Variants in ARHGAP21 observed in about 807,000 individuals in gnomAD.
ARHGAP21 encodes the protein Rho GTPase activating protein 21.
A neutral mutation model predicts 164.6 loss-of-function variants in ARHGAP21; 38 were observed. The ratio of observed to expected loss-of-function variants is 0.23; its 90% CI spans 0.18 to 0.30. The LOEUF is 0.30. Ranked by LOEUF, ARHGAP21 falls within the 10% of genes least tolerant of loss-of-function variation. ARHGAP21 has a pLI of 1.00. For missense variants in ARHGAP21, 1,822 were observed against 2,370.7 expected (o/e 0.77, Z 4.81); for synonymous variants, 766 against 857.9 (o/e 0.89, Z 1.87).
chr10:24,606,662 A>C (rs958350218), intron 11 of ARHGAP21, among the ~76,000 whole-genome samples: 1 of 151,870 alleles, frequency 6.6e-6, no homozygotes, highest in Non-Finnish European at 1.5e-5. Context: ...GACCAGCCTG[A>C]CCAACATGGT....
At chr10:24,646,999 TTTC>T (rs1350798334) in intron 4 of ARHGAP21, among the ~76,000 whole-genome samples, 2 of 152,186 alleles carry the variant, frequency 1.3e-5, no homozygotes, top group South Asian at 2.1e-4. Flanking sequence ...GCCATGCACT[TTTC>T]TTCTTTTTCA....
rs146099288 is a variant in ARHGAP21, at chr10:24,645,142, A to G, written c.269-10039T>C. On this transcript the variant is annotated intron_variant, in intron 4 of 25. Coordinates refer to ENST00000396432, the MANE Select transcript of ARHGAP21 (RefSeq NM_020824.4). ...CTCCATCCTAAAATCTTTCAACCAA[A>G]TCTGGGCAAATGTAACTTCTAAATG... Among the ~76,000 whole-genome samples, 216 of 152,248 alleles carry G rather than the reference A, an allele frequency of 1.4e-3. 1 individual carries two copies. Among genetic ancestry groups the G allele is most frequent in the South Asian group, 0.011 (54 of 4,826 alleles).
At chr10:24,622,667 G>T in intron 8 of ARHGAP21, 66 bp downstream of exon 8, 2 of 1,510,066 alleles carry the variant, frequency 1.3e-6, no homozygotes, top group African/African-American at 1.4e-5. Context: ...TAATAGATTG[G>T]CTTATTACAA....
At chr10:24,642,828 C>T (rs1026616910) in intron 4 of ARHGAP21, among the ~76,000 whole-genome samples, 4 of 152,144 alleles carry the variant, frequency 2.6e-5, no homozygotes, top group African/African-American at 9.7e-5. Flanking sequence ...TTCATATACG[C>T]ACGAGAATAT....
chr10:24,692,776 G>C (rs1842854148), intron 2 of ARHGAP21, among the ~76,000 whole-genome samples: 1 of 151,764 alleles, frequency 6.6e-6, no homozygotes. Context: ...AGGTTGCAGT[G>C]AGCAGAGATT....
At chr10:24,624,965 TG>T (rs1834951209) in intron 7 of ARHGAP21, among the ~76,000 whole-genome samples, 1 of 147,182 alleles carries the variant, frequency 6.8e-6, no homozygotes, top group Admixed American at 7.1e-5. Flanking sequence ...TTACACCTTT[TG>T]GAGTTTAACA....
chr10:24,597,770 C>T (rs1269401418), intron 15 of ARHGAP21, among the ~76,000 whole-genome samples, 175 bp downstream of exon 15: 1 of 152,192 alleles, frequency 6.6e-6, no homozygotes, highest in East Asian at 1.9e-4. Flanking sequence ...AGTAGCCACA[C>T]TGTATACACT....
chr10:24,686,141 A>G (rs1407617092), intron 2 of ARHGAP21, among the ~76,000 whole-genome samples: 1 of 151,980 alleles, frequency 6.6e-6, no homozygotes, highest in East Asian at 1.9e-4. Context: ...CAAATTGGAA[A>G]CTACTTAGGC....
chr10:24,620,788 G>C lies in ARHGAP21; in HGVS notation c.1107C>G (p.Pro369=). The C allele has an allele frequency of 1.2e-6, 2 of 1,614,134 alleles. No individual in the cohort carries two copies. The highest frequency in any genetic ancestry group is 1.7e-6 in the Non-Finnish European group (2 of 1,180,024). ...GCGAATAGTGATTAACAGATACAGA[G>C]GGAGCCTCCACAGCTTGAGATCTGC... The part of the protein sequence containing the change: ...SSSRSQAVEA[P]SVSVNHYSPN... The change falls in exon 9 of 26, where the codon CCC becomes CCG. Residue 369 remains proline (P), a synonymous_variant. Coordinates refer to ENST00000396432, the MANE Select transcript of ARHGAP21 (RefSeq NM_020824.4).
chr10:24,657,787 C>T, intron 4 of ARHGAP21, among the ~76,000 whole-genome samples: 1 of 104,614 alleles, frequency 9.6e-6, no homozygotes, highest in East Asian at 2.5e-4. Flanking sequence ...GTGCTGTGTC[C>T]ACTCAGGGTT....
At chr10:24,627,278 A>G (rs1835230142) in intron 7 of ARHGAP21, among the ~76,000 whole-genome samples, 1 of 152,228 alleles carries the variant, frequency 6.6e-6, no homozygotes, top group Non-Finnish European at 1.5e-5. Context: ...CTTTACAATA[A>G]ATATTCAACC....
rs1257005508 is a variant in ARHGAP21, at chr10:24,710,866, C to T, written c.63+10971G>A. 5.3e-5 allele frequency among the ~76,000 whole-genome samples: 8 copies of T among 151,988 alleles called. No homozygotes were observed. The South Asian group carries it at 8.3e-4, about 16-fold the overall frequency. ...ATCCCAGCACTTTGGGAGGCCAAGGCGGGTGGATCCCAAGGTCAGGAGTTC... is the reference window on the plus strand; with the variant it reads ...ATCCCAGCACTTTGGGAGGCCAAGGTGGGTGGATCCCAAGGTCAGGAGTTC... On this transcript the variant is annotated intron_variant, in intron 2 of 25. Coordinates refer to ENST00000396432, the MANE Select transcript of ARHGAP21 (RefSeq NM_020824.4).
intron 4 of ARHGAP21, among the ~76,000 whole-genome samples, chr10:24,658,683 T>G (rs11498415): frequency 6.6e-6 from 1 of 151,078 alleles, no homozygotes; most frequent in East Asian, 1.9e-4. Flanking sequence ...TGTTGTGGGG[T>G]GGGGGGAGAG....
intron 4 of ARHGAP21, among the ~76,000 whole-genome samples, chr10:24,649,750 T>A (rs1301308481): frequency 1.3e-5 from 2 of 148,584 alleles, no homozygotes; most frequent in African/African-American, 4.9e-5. Flanking sequence ...AAGCTAAAGC[T>A]TAGAAAACAA....
At chr10:24,656,343 G>A (rs1388990637) in intron 4 of ARHGAP21, among the ~76,000 whole-genome samples, 7 of 107,694 alleles carry the variant, frequency 6.5e-5, no homozygotes, top group Non-Finnish European at 1.2e-4. Context: ...GGGAGATGGG[G>A]GGGTCAGCCC....
chr10:24,584,787 A>G lies in ARHGAP21; in HGVS notation c.5502T>C (p.Ala1834=). 1 of 1,614,008 alleles carries G rather than the reference A, an allele frequency of 6.2e-7. No individual in the cohort carries two copies. The highest frequency in any genetic ancestry group is 1.1e-5 in the South Asian group (1 of 91,074). Residue 1834 remains alanine, a synonymous_variant, in exon 26 of 26, where the codon GCT becomes GCC. Coordinates refer to ENST00000396432, the MANE Select transcript of ARHGAP21 (RefSeq NM_020824.4). ...QSGERESELS[A]VNRLKPKCSA... Reference sequence around the variant, plus strand: ...AGCATTTTGGTTTTAACCGGTTTACAGCTGAAAGTTCAGATTCTCTCTCCC... The same window carrying G: ...AGCATTTTGGTTTTAACCGGTTTACGGCTGAAAGTTCAGATTCTCTCTCCC...
chr10:24,669,508 G>T (rs1224106090), intron 3 of ARHGAP21, among the ~76,000 whole-genome samples: 1 of 152,116 alleles, frequency 6.6e-6, no homozygotes. Flanking sequence ...CATGTATATT[G>T]GTCAAATTCA....
rs370450846 is a variant in ARHGAP21, at chr10:24,722,012, G to A, written c.-113C>T. 1.7e-6 allele frequency: 2 copies of A among 1,146,132 alleles called. No homozygotes were observed. Among genetic ancestry groups the A allele is most frequent in the East Asian group, 5.0e-5 (2 of 39,972 alleles). 71.0% of individuals were successfully genotyped at this position (1,146,132 alleles called of 1,614,324 possible). A position where few individuals can be genotyped will look rare whatever the true frequency, so the allele number is the denominator to read the frequency against. ...AATTCCACAAGCAGGCTCCGAGGAG[G>A]GGCAGGGCTGTTGAAACAGACAACG... On this transcript the variant is annotated 5_prime_UTR_variant, in exon 2 of 26. Transcript: ENST00000396432.
At chr10:24,614,782 C>CAAAAA (rs34148464) in intron 9 of ARHGAP21, among the ~76,000 whole-genome samples, 1 of 110,182 alleles carries the variant, frequency 9.1e-6, no homozygotes, top group Non-Finnish European at 1.8e-5. Context: ...GACTCCATCT[C>CAAAAA]AAAAAAAAAA....
Sources: allele counts gnomAD v4.1 joint callset (sites outside exome capture counted in the v4.1 genomes callset), GRCh38; gene constraint gnomAD v4.1.1; transcripts MANE v1.5; gene names NCBI Gene and HGNC (gene_info 2026-07-23, HGNC 2026-07-21).